The following TBCEL variants were observed in gnomAD, a reference collection of about 807,000 sequenced individuals.
TBCEL encodes tubulin-specific chaperone cofactor E-like protein.
TBCEL carries 15 observed loss-of-function variants against 44.2 expected under a neutral mutation model. The observed-to-expected ratio is 0.34, with a 90% CI of 0.23 to 0.52. TBCEL has a LOEUF of 0.52. Ranked by LOEUF, TBCEL falls within the 20% of genes least tolerant of loss-of-function variation. The pLI, the probability that TBCEL is intolerant of heterozygous loss-of-function variation, is 0.95. For missense variants in TBCEL, 319 were observed against 506.3 expected (o/e 0.63, Z 3.55); for synonymous variants, 171 against 185.4 (o/e 0.92, Z 0.63).
At position 121,088,209 on chromosome 11, in the gene TBCEL, G is replaced by T. The variant is rs1445789130; in HGVS notation, c.*1113G>T. The T allele has an allele frequency of 6.6e-6, 1 of 152,202 alleles. No homozygotes were observed. The highest frequency in any genetic ancestry group is 1.5e-5 in the Non-Finnish European group (1 of 68,026). 9.4% of individuals were successfully genotyped at this position (152,202 alleles called of 1,614,324 possible). ...AAAAGTGGGAAACATTAATCAAAGGGAGATTTTATTCCCAGGTTTTCCCTG... is the reference window on the plus strand; with the variant it reads ...AAAAGTGGGAAACATTAATCAAAGGTAGATTTTATTCCCAGGTTTTCCCTG... On this transcript the variant is annotated 3_prime_UTR_variant, in exon 9 of 9. Transcript: ENST00000683345.
At chr11:121,078,661 C>T (rs1946073319) in intron 8 of TBCEL, among the ~76,000 whole-genome samples, 1 of 152,198 alleles carries the variant, frequency 6.6e-6, no homozygotes, top group Non-Finnish European at 1.5e-5. Context: ...ACCCCTACTT[C>T]AAGCAGGGAA....
In TBCEL at chr11:121,089,794, G is replaced by T. The variant is rs1452226228; in HGVS notation, c.*2698G>T. 6.6e-6 allele frequency: 1 copy of T among 152,122 alleles called. No homozygotes were observed. The highest frequency in any genetic ancestry group is 2.4e-5 in the African/African-American group (1 of 41,428). 9.4% of individuals were successfully genotyped at this position (152,122 alleles called of 1,614,324 possible). ...ATGAGGCAAAATGCTGTCATAGCCA[G>T]TATTACTGATATGTTGCTACAGACA... On this transcript the variant is annotated 3_prime_UTR_variant, in exon 9 of 9. Coordinates refer to ENST00000683345, the MANE Select transcript of TBCEL (RefSeq NM_001363644.2).
intron 8 of TBCEL, among the ~76,000 whole-genome samples, chr11:121,074,174 T>A (rs1308142404): frequency 6.6e-6 from 1 of 152,012 alleles, no homozygotes; most frequent in African/African-American, 2.4e-5. Context: ...TTGTTATATT[T>A]AATTTTCATT....
rs549023621 is a variant in TBCEL at position 121,036,588 on chromosome 11, G to A, written c.-42G>A. 43 of 152,282 alleles carry A rather than the reference G, an allele frequency of 2.8e-4. No individual in the cohort carries two copies. Among genetic ancestry groups the A allele is most frequent in the African/African-American group, 1.0e-3 (42 of 41,558 alleles). 9.4% of individuals were successfully genotyped at this position (152,282 alleles called of 1,614,324 possible). A position where few individuals can be genotyped will look rare whatever the true frequency, so the allele number is the denominator to read the frequency against. On this transcript the variant is annotated 5_prime_UTR_variant, in exon 2 of 9. It adds an upstream start codon to the 5' untranslated region. Transcript: ENST00000683345. ...AGAGGCTATGGAAATGAAGAAAGAAGTGTTTAGAAATATCACACAAACAGG... is the reference window on the plus strand; with the variant it reads ...AGAGGCTATGGAAATGAAGAAAGAAATGTTTAGAAATATCACACAAACAGG...
At chr11:121,079,152 AT>A (rs1485595190) in intron 8 of TBCEL, among the ~76,000 whole-genome samples, 2 of 152,240 alleles carry the variant, frequency 1.3e-5, no homozygotes, top group South Asian at 2.1e-4. Context: ...GAAAGGTGAC[AT>A]TAAATAATTC....
At chr11:121,035,125 A>G (rs1385973425) in intron 1 of TBCEL, 3 of 152,188 alleles carry the variant, frequency 2.0e-5, no homozygotes, top group Admixed American at 6.5e-5. Context: ...TGATGATGGT[A>G]GTAGTAATAG....
At chr11:121,086,491 T>C (rs527914700) in intron 8 of TBCEL, among the ~76,000 whole-genome samples, 21 of 152,288 alleles carry the variant, frequency 1.4e-4, no homozygotes, top group African/African-American at 4.6e-4. Context: ...CTATTGTCTT[T>C]ATAGTGTCTA....
intron 1 of TBCEL, among the ~76,000 whole-genome samples, chr11:121,034,989 C>T (rs1945205484): frequency 6.6e-6 from 1 of 152,154 alleles, no homozygotes; most frequent in Non-Finnish European, 1.5e-5. Flanking sequence ...GACATTTTTA[C>T]TGTGCCAAAT....
At chr11:121,075,081 GTGTA>G (rs1323172673) in intron 8 of TBCEL, among the ~76,000 whole-genome samples, 7 of 151,912 alleles carry the variant, frequency 4.6e-5, no homozygotes, top group African/African-American at 1.7e-4. Context: ...ACAAGGGCGT[GTGTA>G]TGTTTTAAGT....
chr11:121,042,851 T>C (rs1171189236), intron 2 of TBCEL, among the ~76,000 whole-genome samples: 1 of 152,126 alleles, frequency 6.6e-6, no homozygotes, highest in Non-Finnish European at 1.5e-5. Context: ...AGACCATACA[T>C]AAGTGAGAAA....
At chr11:121,025,505 C>A (rs1396825356) in intron 1 of TBCEL, among the ~76,000 whole-genome samples, 1 of 152,012 alleles carries the variant, frequency 6.6e-6, no homozygotes, top group African/African-American at 2.4e-5. Flanking sequence ...GCAGTATTTA[C>A]CCTTATTATA....
intron 1 of TBCEL, among the ~76,000 whole-genome samples, chr11:121,024,938 C>G (rs1453457407): frequency 1.3e-5 from 2 of 152,088 alleles, no homozygotes; most frequent in Non-Finnish European, 2.9e-5. Flanking sequence ...GGTGCCTTGT[C>G]GTGGGATCTT....
chr11:121,083,234 C>T (rs921401766), intron 8 of TBCEL, among the ~76,000 whole-genome samples: 6 of 151,886 alleles, frequency 4.0e-5, no homozygotes, highest in African/African-American at 1.5e-4. Flanking sequence ...GGTGGGTGAA[C>T]AAGAGAAATG....
Position 121,087,332 on chromosome 11 carries a change from C to T in TBCEL, c.*236C>T, listed in dbSNP as rs1451853947. 10 of 504,178 alleles carry T rather than the reference C, an allele frequency of 2.0e-5. No homozygotes were observed. Among genetic ancestry groups the T allele is most frequent in the Non-Finnish European group, 3.2e-5 (9 of 281,720 alleles). 31.2% of individuals were successfully genotyped at this position (504,178 alleles called of 1,614,324 possible). A position where few individuals can be genotyped will look rare whatever the true frequency, so the allele number is the denominator to read the frequency against. On this transcript the variant is annotated 3_prime_UTR_variant, in exon 9 of 9. Transcript: ENST00000683345. ...ATTGGCCACATTTCCAGTGTATGTG[C>T]CCTCTCTAAGGAAAGATGACAAAGA...
chr11:121,065,068 C>T (rs560912665), intron 8 of TBCEL, among the ~76,000 whole-genome samples: 42 of 152,200 alleles, frequency 2.8e-4, no homozygotes, highest in African/African-American at 8.2e-4. Context: ...CCTCGTGATC[C>T]GCCTGCCTCG....
At chr11:121,050,246 C>A (rs909312119) in intron 4 of TBCEL, among the ~76,000 whole-genome samples, 2 of 151,680 alleles carry the variant, frequency 1.3e-5, no homozygotes, top group African/African-American at 4.8e-5. Context: ...CCCATTATAA[C>A]CCATATATCT....
chr11:121,087,164 T>C lies in TBCEL; in HGVS notation c.*68T>C, dbSNP rs1269385759. ...GCAGGGCATTTGTTTTTAATGTGGT[T>C]TTCTTTAGGAGGGAGAGGTTGTTTT... is the stretch of plus-strand genomic sequence containing the variant. On this transcript the variant is annotated 3_prime_UTR_variant, in exon 9 of 9. Transcript: ENST00000683345. 6.9e-7 allele frequency: 1 copy of C among 1,443,394 alleles called. No homozygotes were observed. 89.4% of individuals were successfully genotyped at this position (1,443,394 alleles called of 1,614,324 possible).
rs750724084 is a variant in TBCEL at position 121,053,724 on chromosome 11, G to C, written c.447G>C (p.Glu149Asp). Residue 149 changes from glutamate to aspartate, a missense_variant, in exon 5 of 9, where the codon GAG becomes GAC. By Grantham distance (45) the Glu-to-Asp change is conservative. Transcript: ENST00000683345. ...SWETVHMILQ[E>D]LPDLEELFLC... is the part of the protein sequence containing the mutation. ...AGACGGTCCACATGATACTACAGGA[G>C]TTACCAGAGTAAGCCCAGAGAGCAT... The C allele has an allele frequency of 6.2e-7, 1 of 1,611,548 alleles. No homozygotes were observed. The highest frequency in any genetic ancestry group is 1.3e-5 in the African/African-American group (1 of 74,720).
At chr11:121,034,441 A>G (rs914170353) in intron 1 of TBCEL, among the ~76,000 whole-genome samples, 1 of 152,172 alleles carries the variant, frequency 6.6e-6, no homozygotes, top group Non-Finnish European at 1.5e-5. Flanking sequence ...CGTGGAGTAG[A>G]TACAATTATG....
Sources: gnomAD v4.1 joint callset for allele counts (sites outside exome capture counted in the v4.1 genomes callset) on GRCh38, gnomAD v4.1.1 for gene constraint, MANE v1.5 for transcripts, NCBI Gene and HGNC (gene_info 2026-07-23, HGNC 2026-07-21) for gene names.